Variants in PVT1 observed in about 807,000 individuals in gnomAD.
PVT1 encodes CXCR4/PVT1 fusion.
At chr8:127,855,213 A>T in intron 2 of PVT1, 1 of 398,706 alleles carries the variant, frequency 2.5e-6, no homozygotes, top group Non-Finnish European at 4.4e-6. Context: ...AAGTGTTCTT[A>T]GGAGTCCTGC....
chr8:127,973,851 A>G (rs13254444), intron 3 of PVT1, among the ~76,000 whole-genome samples: 7 of 151,718 alleles, frequency 4.6e-5, no homozygotes, highest in Non-Finnish European at 7.4e-5. Flanking sequence ...GTGGTGGTGG[A>G]TGCCTGTAGT....
intron 4 of PVT1, among the ~76,000 whole-genome samples, chr8:128,006,821 A>G (rs1319044283): frequency 6.6e-6 from 1 of 152,170 alleles, no homozygotes; most frequent in Non-Finnish European, 1.5e-5. Context: ...AGATTTTTCT[A>G]GATTTTACAT....
At chr8:128,033,132 G>T (rs1337401300) in intron 4 of PVT1, among the ~76,000 whole-genome samples, 1 of 152,186 alleles carries the variant, frequency 6.6e-6, no homozygotes, top group Non-Finnish European at 1.5e-5. Flanking sequence ...AAAACTATTT[G>T]CATTGTTAGA....
intron 2 of PVT1, among the ~76,000 whole-genome samples, chr8:127,858,641 A>G (rs1354758553): frequency 1.3e-5 from 2 of 151,652 alleles, no homozygotes; most frequent in South Asian, 2.1e-4. Flanking sequence ...TAAAGGAATG[A>G]TTATTGTACA....
chr8:127,987,349 C>T (rs1413817323), intron 3 of PVT1, among the ~76,000 whole-genome samples: 1 of 152,188 alleles, frequency 6.6e-6, no homozygotes, highest in African/African-American at 2.4e-5. Context: ...AGGCCTGGAG[C>T]TGAGAACCTT....
chr8:127,897,856 CAGGA>C (rs1815703188), intron 3 of PVT1, among the ~76,000 whole-genome samples: 1 of 58,574 alleles, frequency 1.7e-5, no homozygotes, highest in Admixed American at 2.2e-4. Context: ...AAAAGAAAGA[CAGGA>C]AGGAAGAAAG....
intron 3 of PVT1, among the ~76,000 whole-genome samples, chr8:127,934,205 G>A (rs1388790824): frequency 6.6e-6 from 1 of 152,226 alleles, no homozygotes; most frequent in African/African-American, 2.4e-5. Flanking sequence ...ATTGAGTAGA[G>A]GTGACTCCAT....
chr8:127,864,263 C>T (rs952717314), intron 2 of PVT1, among the ~76,000 whole-genome samples: 4 of 152,052 alleles, frequency 2.6e-5, no homozygotes, highest in Non-Finnish European at 5.9e-5. Flanking sequence ...TGAAGGACAC[C>T]TGGGGAGGGG....
intron 2 of PVT1, among the ~76,000 whole-genome samples, chr8:127,816,636 G>T (rs1056874480): frequency 1.3e-5 from 2 of 151,682 alleles, no homozygotes; most frequent in Non-Finnish European, 2.9e-5. Context: ...CGATTCTCCT[G>T]CCTCAGTCTC....
chr8:127,826,994 C>CTTTTTTTTTTTTTTTTTTTTTTTTTT (rs5894901), intron 2 of PVT1, among the ~76,000 whole-genome samples: 2 of 113,956 alleles, frequency 1.8e-5, no homozygotes, highest in Non-Finnish European at 3.4e-5. Flanking sequence ...TTCTTTTTCT[C>CTTTTTTTTTTTTTTTTTTTTTTTTTT]TTTTTTTTTT....
intron 2 of PVT1, among the ~76,000 whole-genome samples, chr8:127,833,601 A>T (rs575183836): frequency 1.3e-5 from 2 of 152,094 alleles, no homozygotes; most frequent in African/African-American, 2.4e-5. Context: ...CTACAGGTGC[A>T]TGCTATGATG....
intron 2 of PVT1, among the ~76,000 whole-genome samples, chr8:127,807,765 C>G (rs1439213696): frequency 6.6e-6 from 1 of 151,870 alleles, no homozygotes; most frequent in African/African-American, 2.4e-5. Context: ...TTGAATTTTT[C>G]TTTTTTTCTT....
intron 3 of PVT1, among the ~76,000 whole-genome samples, chr8:127,899,378 C>T (rs1380666629): frequency 6.6e-6 from 1 of 152,172 alleles, no homozygotes; most frequent in African/African-American, 2.4e-5. Flanking sequence ...CCCTGAATCT[C>T]ATTTAAATTT....
At chr8:127,795,864 C>T (rs568964752) in intron 1 of PVT1, 2 of 169,980 alleles carry the variant, frequency 1.2e-5, no homozygotes, top group Admixed American at 6.5e-5. Context: ...TTGTATCAAT[C>T]CTCAGAACCC....
chr8:127,992,496 C>T (rs1817054955), intron 4 of PVT1, among the ~76,000 whole-genome samples: 1 of 152,156 alleles, frequency 6.6e-6, no homozygotes. Flanking sequence ...ACCTCAGTCT[C>T]CTGAGTAGCT....
intron 3 of PVT1, among the ~76,000 whole-genome samples, chr8:127,945,587 A>G (rs544569129): frequency 4.6e-5 from 7 of 152,300 alleles, no homozygotes; most frequent in South Asian, 4.1e-4. Flanking sequence ...GAATCCTCAC[A>G]GTTCCCAGCC....
intron 4 of PVT1, among the ~76,000 whole-genome samples, chr8:128,002,719 A>G (rs961041462): frequency 6.6e-6 from 1 of 152,086 alleles, no homozygotes; most frequent in African/African-American, 2.4e-5. Flanking sequence ...AACCAGCATG[A>G]CCTCATCATA....
chr8:127,841,238 A>AGG lies in PVT1; in HGVS notation n.372+45170_372+45171dup, dbSNP rs541904761. Reference sequence around the variant, plus strand: ...ATCCACCTCTTGTTGGCCTGAAGGAAGGGGAGGTAGGTACTATTAGCCCCA... The same window carrying AGG: ...ATCCACCTCTTGTTGGCCTGAAGGAAGGGGGGAGGTAGGTACTATTAGCCCCA... On this transcript the variant is annotated intron_variant and non_coding_transcript_variant, in intron 2 of 10. Transcript: ENST00000651587. Among the ~76,000 whole-genome samples the AGG allele has an allele frequency of 1.1e-4, 16 of 152,296 alleles. No individual in the cohort carries two copies. In the East Asian group the frequency reaches 3.1e-3, roughly 29 times the overall value.
chr8:128,006,138 AT>A (rs1455231344), intron 4 of PVT1, among the ~76,000 whole-genome samples: 3,199 of 141,648 alleles, frequency 0.023, 129 homozygotes, highest in African/African-American at 0.079. Flanking sequence ...AATAATAATA[AT>A]AATAATAATA....
Sources: allele counts gnomAD v4.1 joint callset (sites outside exome capture counted in the v4.1 genomes callset), GRCh38; gene constraint gnomAD v4.1.1; transcripts MANE v1.5; gene names NCBI Gene and HGNC (gene_info 2026-07-23, HGNC 2026-07-21).